IL26: variants seen among roughly 807,000 people sequenced by gnomAD.
The protein encoded by IL26 is interleukin 26, also known as interleukin-26.
Under a neutral mutation model 21.7 loss-of-function variants are expected in IL26, and 23 were observed. The observed-to-expected ratio is 1.06, with a 90% CI of 0.76 to 1.50. The LOEUF (loss-of-function observed/expected upper bound fraction) is 1.50, where lower values mean the gene tolerates loss of function less well. Ranked by LOEUF, IL26 falls within the 40% of genes most tolerant of loss-of-function variation. The pLI is 0.00. For missense variants in IL26, 204 were observed against 196.0 expected, an observed-to-expected ratio of 1.04 and a Z score of -0.24; for synonymous variants, 63 against 67.8, an observed-to-expected ratio of 0.93 and a Z score of 0.34.
chr12:68,217,952 A>G (rs759769189), intron 3 of IL26, among the ~76,000 whole-genome samples: 7 of 152,168 alleles, frequency 4.6e-5, no homozygotes, highest in Non-Finnish European at 1.0e-4. Flanking sequence ...AAGCAAAATC[A>G]TAGGAAATAT....
At position 68,225,621 on chromosome 12, in the gene IL26, A is replaced by G. The variant is rs377136368; in HGVS notation, c.136T>C (p.Tyr46His). 1 of 1,613,978 alleles carries G rather than the reference A, an allele frequency of 6.2e-7. No homozygotes were observed. The highest frequency in any genetic ancestry group is 8.5e-7 in the Non-Finnish European group (1 of 1,179,936). ...GCTTTGAGCCATGCTGCTTTGATAT[A>G]GAGAGCGTCAACAGCTTGGGACAAT... ...GTLSQAVDAL[Y>H]IKAAWLKATI... The change falls in exon 1 of 5, where the codon TAT becomes CAT. Residue 46 changes from tyrosine to histidine, a missense_variant. Transcript: ENST00000229134.
chr12:68,203,056 A>G (rs971026985), intron 3 of IL26, among the ~76,000 whole-genome samples: 4 of 152,246 alleles, frequency 2.6e-5, no homozygotes, highest in Admixed American at 6.5e-5. Context: ...AAAGCACAGA[A>G]CAATGTTCAG....
rs540693081 is a variant in IL26, at chr12:68,210,338, C to CAAAAAAAAAA, written c.364-8265_364-8256dup. 3.2e-4 allele frequency among the ~76,000 whole-genome samples: 7 copies of CAAAAAAAAAA among 22,090 alleles called. 1 individual carries two copies. Among genetic ancestry groups the CAAAAAAAAAA allele is most frequent in the Admixed American group, 6.6e-4 (1 of 1,522 alleles). The allele number at this position is 22,090 out of a possible 152,430, so 14.5% of individuals were successfully genotyped here. ...ACTAAATAAATAAATATCAGTTTGG[C>CAAAAAAAAAA]AAAAAAAAAAAAAAAAAAAAAAAAA... On this transcript the variant is annotated intron_variant, in intron 3 of 4. Transcript: ENST00000229134.
At chr12:68,210,545 C>CAA (rs1311254928) in intron 3 of IL26, among the ~76,000 whole-genome samples, 3 of 151,888 alleles carry the variant, frequency 2.0e-5, no homozygotes, top group African/African-American at 7.2e-5. Context: ...AATTATTAGC[C>CAA]AAGTGTCTCT....
intron 3 of IL26, among the ~76,000 whole-genome samples, chr12:68,202,771 T>G (rs1868424547): frequency 6.6e-6 from 1 of 152,036 alleles, no homozygotes; most frequent in Non-Finnish European, 1.5e-5. Context: ...ATATCAACAT[T>G]TAAGTTGAGA....
chr12:68,222,889 TAAC>T (rs1411091131), intron 3 of IL26, among the ~76,000 whole-genome samples: 2 of 152,236 alleles, frequency 1.3e-5, no homozygotes, highest in Non-Finnish European at 2.9e-5. Flanking sequence ...CCGTTTTTAT[TAAC>T]AAAATATCAT....
Position 68,225,173 on chromosome 12 carries a change from G to T in IL26, c.339C>A (p.Ser113Arg), listed in dbSNP as rs148742560. The stretch of plus-strand genomic sequence containing the variant: ...CACAGTGGCTCAATTTCTGCCTAAG[G>T]CTATGAAAGTCCTCCACAAAGCGTA... Reference protein sequence around the residue: ...KKIRFVEDFHSLRQKLSHCIS... With the variant: ...KKIRFVEDFHRLRQKLSHCIS... The change falls in exon 3 of 5, where the codon AGC becomes AGA. Residue 113 changes from serine (S) to arginine (R), a missense_variant. Transcript: ENST00000229134. 2.5e-6 allele frequency: 4 copies of T among 1,612,780 alleles called. No homozygotes were observed. Among genetic ancestry groups the T allele is most frequent in the Non-Finnish European group, 1.7e-6 (2 of 1,179,636 alleles).
chr12:68,203,058 A>G (rs1364505475), intron 3 of IL26, among the ~76,000 whole-genome samples: 1 of 152,198 alleles, frequency 6.6e-6, no homozygotes, highest in African/African-American at 2.4e-5. Context: ...AGCACAGAAC[A>G]ATGTTCAGTG....
intron 3 of IL26, among the ~76,000 whole-genome samples, chr12:68,223,884 G>GT (rs376115904): frequency 0.022 from 2,903 of 132,230 alleles, 124 homozygotes; most frequent in Middle Eastern, 0.032. Context: ...AAATTTGGTG[G>GT]TTTTTTTTTT....
intron 3 of IL26, among the ~76,000 whole-genome samples, chr12:68,204,141 A>ATTTTTTTTTTTTTTTTTGTTTTTTTTTTT (rs1868464461): frequency 8.8e-6 from 1 of 113,216 alleles, no homozygotes; most frequent in Non-Finnish European, 1.8e-5. Context: ...GGATTCAAAG[A>ATTTTTTTTTTTTTTTTTGTTTTTTTTTTT]TTTTTTTTTT....
At position 68,225,322 on chromosome 12, in the gene IL26, T is replaced by C. The variant is rs1411374712; in HGVS notation, c.229-39A>G. 2.5e-6 allele frequency: 4 copies of C among 1,587,572 alleles called. No individual in the cohort carries two copies. The African/African-American group carries it at 4.1e-5, about 16-fold the overall frequency. ...ACAAGAAATTGCATATGGTAAATTA[T>C]GAATCGTTTTTTAATGTCCCCCGAT... On this transcript the variant is annotated intron_variant, in intron 2 of 4. Transcript: ENST00000229134.
At chr12:68,208,206 C>T (rs1311822715) in intron 3 of IL26, among the ~76,000 whole-genome samples, 2 of 152,074 alleles carry the variant, frequency 1.3e-5, no homozygotes, top group Non-Finnish European at 2.9e-5. Context: ...GGAGAGGTAA[C>T]CTCTGAAGTC....
chr12:68,217,634 T>A (rs1868922602), intron 3 of IL26, among the ~76,000 whole-genome samples: 1 of 152,140 alleles, frequency 6.6e-6, no homozygotes, highest in South Asian at 2.1e-4. Flanking sequence ...GCCTTATGAA[T>A]TAACGGATCT....
chr12:68,204,624 C>T (rs1220307707), intron 3 of IL26, among the ~76,000 whole-genome samples: 1 of 152,018 alleles, frequency 6.6e-6, no homozygotes, highest in Non-Finnish European at 1.5e-5. Context: ...TCACTCACAC[C>T]AAAGGCACAT....
chr12:68,210,912 G>T lies in IL26; in HGVS notation c.364-8829C>A, dbSNP rs193074503. ...CAATTTAGCATGTGAATTAAATTCC[G>T]AACTCAGCAATAGAGCTGCACCCCA... On this transcript the variant is annotated intron_variant, in intron 3 of 4. Coordinates refer to ENST00000229134, the MANE Select transcript of IL26 (RefSeq NM_018402.2). Among the ~76,000 whole-genome samples, 802 of 152,174 alleles carry T rather than the reference G, an allele frequency of 5.3e-3. 7 individuals are homozygous for T. Among genetic ancestry groups the T allele is most frequent in the African/African-American group, 0.018 (753 of 41,492 alleles).
chr12:68,218,759 A>C (rs1305658665), intron 3 of IL26, among the ~76,000 whole-genome samples: 3 of 152,042 alleles, frequency 2.0e-5, no homozygotes, highest in Non-Finnish European at 2.9e-5. Flanking sequence ...GCCTGAAGAA[A>C]ACTACATCAA....
At chr12:68,214,632 A>G (rs1868823261) in intron 3 of IL26, among the ~76,000 whole-genome samples, 1 of 152,160 alleles carries the variant, frequency 6.6e-6, no homozygotes, top group Non-Finnish European at 1.5e-5. Flanking sequence ...AGTCTATCTG[A>G]TAAAAGGATA....
chr12:68,204,805 C>T (rs1592894333), intron 3 of IL26, among the ~76,000 whole-genome samples: 2 of 152,160 alleles, frequency 1.3e-5, no homozygotes, highest in Non-Finnish European at 2.9e-5. Context: ...ATCTGATCTA[C>T]AGAGTTCTCA....
intron 3 of IL26, among the ~76,000 whole-genome samples, chr12:68,213,295 A>C (rs1868786737): frequency 6.6e-6 from 1 of 151,614 alleles, no homozygotes; most frequent in South Asian, 2.1e-4. Context: ...TTTTGTGAGG[A>C]TTTTTGTGTT....
Sources: gnomAD v4.1 joint callset for allele counts (sites outside exome capture counted in the v4.1 genomes callset) on GRCh38, gnomAD v4.1.1 for gene constraint, MANE v1.5 for transcripts, NCBI Gene and HGNC (gene_info 2026-07-23, HGNC 2026-07-21) for gene names.